The following BMPER variants were observed in gnomAD, a reference collection of about 807,000 sequenced individuals.
The protein encoded by BMPER is BMP binding endothelial regulator, also known as BMP-binding endothelial regulator protein.
In BMPER, 45 loss-of-function variants were observed where a neutral mutation model predicts 87.3. The ratio of observed to expected loss-of-function variants is 0.52; its 90% CI spans 0.41 to 0.66. The LOEUF is 0.66. BMPER is among the 30% of genes least tolerant of loss of function. The pLI, the probability that BMPER is intolerant of heterozygous loss-of-function variation, is 0.00. For synonymous variants in BMPER, 326 were observed against 316.2 expected (o/e 1.03, Z -0.33); for missense variants, 784 against 867.5 (o/e 0.90, Z 1.21).
intron 11 of BMPER, among the ~76,000 whole-genome samples, chr7:34,074,562 T>G (rs575047151): frequency 6.6e-6 from 1 of 152,318 alleles, no homozygotes; most frequent in East Asian, 1.9e-4. Flanking sequence ...CATGACACAG[T>G]GATCTCGTGG....
At chr7:33,957,376 C>T (rs955713045) in intron 3 of BMPER, among the ~76,000 whole-genome samples, 2 of 149,980 alleles carry the variant, frequency 1.3e-5, no homozygotes, top group African/African-American at 2.5e-5. Flanking sequence ...ACTAGATGAT[C>T]CCTTTAATAT....
intron 13 of BMPER, among the ~76,000 whole-genome samples, chr7:34,103,467 C>T (rs1789736757): frequency 6.6e-6 from 1 of 152,128 alleles, no homozygotes; most frequent in Non-Finnish European, 1.5e-5. Context: ...CCAGTTGGTG[C>T]CTCTTGATGT....
At chr7:34,088,709 G>T (rs1000658175) in intron 13 of BMPER, among the ~76,000 whole-genome samples, 1 of 152,174 alleles carries the variant, frequency 6.6e-6, no homozygotes, top group African/African-American at 2.4e-5. Context: ...AGGGTACAGC[G>T]CTGGCACACG....
In BMPER at chr7:34,079,115, C is replaced by T. The variant is rs759114763; in HGVS notation, c.1337C>T (p.Ala446Val). ...GTGCGCTGGAACGGCTCGCGCATCG[C>T]GCTCCCCTGCCGCGCGCCACACTTC... ...LTVRWNGSRI[A>V]LPCRAPHFHI... The change falls in exon 12 of 15, where the codon GCG (alanine) becomes GTG (valine). Residue 446 changes from alanine to valine, a missense_variant. Transcript: ENST00000649409. 8 of 1,613,572 alleles carry T rather than the reference C, an allele frequency of 5.0e-6. No individual in the cohort carries two copies. Among genetic ancestry groups the T allele is most frequent in the South Asian group, 1.1e-5 (1 of 91,052 alleles).
chr7:33,949,762 G>A (rs1044029598), intron 3 of BMPER, among the ~76,000 whole-genome samples: 6 of 151,952 alleles, frequency 3.9e-5, no homozygotes, highest in East Asian at 1.9e-4. Context: ...TTGTTAATAC[G>A]TTTTTCAAGA....
intron 6 of BMPER, among the ~76,000 whole-genome samples, chr7:34,012,640 G>T (rs781105309): frequency 7.9e-5 from 12 of 151,542 alleles, no homozygotes; most frequent in Non-Finnish European, 8.8e-5. Context: ...CTCAAAACCT[G>T]GGAAAAATAA....
chr7:34,112,021 G>T (rs1042672659), intron 13 of BMPER, among the ~76,000 whole-genome samples: 1 of 152,122 alleles, frequency 6.6e-6, no homozygotes, highest in Non-Finnish European at 1.5e-5. Context: ...GGTTACAAAA[G>T]AATGTACATG....
rs1411891023 is a variant in BMPER at position 34,155,649 on chromosome 7, A to T, written c.*2376A>T. The T allele has an allele frequency of 6.6e-6, 1 of 152,198 alleles. No individual in the cohort carries two copies. The highest frequency in any genetic ancestry group is 1.5e-5 in the Non-Finnish European group (1 of 68,030). 9.4% of individuals were successfully genotyped at this position (152,198 alleles called of 1,614,324 possible). On this transcript the variant is annotated 3_prime_UTR_variant, in exon 15 of 15. Transcript: ENST00000649409. ...AATTCAAAGAGCCATCTCTGATGGG[A>T]GAGGGTGAGGAAATCAGCTGAATGG...
chr7:34,042,293 T>A (rs1461018305), intron 6 of BMPER, among the ~76,000 whole-genome samples: 1 of 152,156 alleles, frequency 6.6e-6, no homozygotes, highest in Non-Finnish European at 1.5e-5. Flanking sequence ...TAAACTTACC[T>A]TTCTAAGGAA....
At chr7:33,958,121 G>A (rs1785189828) in intron 3 of BMPER, among the ~76,000 whole-genome samples, 1 of 152,088 alleles carries the variant, frequency 6.6e-6, no homozygotes, top group South Asian at 2.1e-4. Flanking sequence ...CTGCTACTAT[G>A]CACCCCAGAC....
chr7:34,083,285 G>C (rs1789104027), intron 12 of BMPER, among the ~76,000 whole-genome samples: 1 of 152,216 alleles, frequency 6.6e-6, no homozygotes, highest in Non-Finnish European at 1.5e-5. Context: ...TGGGAGGTCA[G>C]CCCAGCCTGT....
chr7:34,038,286 A>C (rs745434484), intron 6 of BMPER, among the ~76,000 whole-genome samples: 33 of 152,218 alleles, frequency 2.2e-4, no homozygotes, highest in Non-Finnish European at 4.6e-4. Flanking sequence ...GAGCACAGTC[A>C]GAGGGAGGTC....
chr7:34,060,648 T>G (rs921712289), intron 10 of BMPER, among the ~76,000 whole-genome samples: 1 of 152,180 alleles, frequency 6.6e-6, no homozygotes, highest in Non-Finnish European at 1.5e-5. Flanking sequence ...ATCTGATTCT[T>G]TCTTTTTGAG....
At chr7:34,095,334 G>A (rs1459241860) in intron 13 of BMPER, among the ~76,000 whole-genome samples, 1 of 152,100 alleles carries the variant, frequency 6.6e-6, no homozygotes, top group Non-Finnish European at 1.5e-5. Flanking sequence ...CATCTTCCTT[G>A]CCTTTGTAAA....
chr7:34,117,055 G>T (rs189750727), intron 13 of BMPER, among the ~76,000 whole-genome samples: 34 of 152,060 alleles, frequency 2.2e-4, no homozygotes, highest in Admixed American at 2.0e-3. Context: ...TCCTTAATGG[G>T]TATTATTATT....
intron 11 of BMPER, among the ~76,000 whole-genome samples, chr7:34,077,568 A>G (rs1363301086): frequency 1.3e-5 from 2 of 152,236 alleles, no homozygotes; most frequent in Non-Finnish European, 2.9e-5. Flanking sequence ...TTAAATATTG[A>G]CAAGGAAAAC....
chr7:33,936,055 A>C (rs1402572450), intron 2 of BMPER, among the ~76,000 whole-genome samples: 1 of 152,148 alleles, frequency 6.6e-6, no homozygotes, highest in Non-Finnish European at 1.5e-5. Context: ...GCACACCCAC[A>C]CACACACACA....
chr7:34,031,277 A>G (rs1187912146), intron 6 of BMPER, among the ~76,000 whole-genome samples: 1 of 152,102 alleles, frequency 6.6e-6, no homozygotes, highest in Non-Finnish European at 1.5e-5. Flanking sequence ...TCATTGGTAA[A>G]GGATGTGTGT....
intron 13 of BMPER, among the ~76,000 whole-genome samples, chr7:34,136,770 CT>C (rs1554324372): frequency 6.6e-6 from 1 of 152,264 alleles, no homozygotes; most frequent in Non-Finnish European, 1.5e-5. Flanking sequence ...CATTGTCCAG[CT>C]GAAGACCCTT....
Sources: allele counts gnomAD v4.1 joint callset (sites outside exome capture counted in the v4.1 genomes callset), GRCh38; gene constraint gnomAD v4.1.1; transcripts MANE v1.5; gene names NCBI Gene and HGNC (gene_info 2026-07-23, HGNC 2026-07-21).